Variants in FAT1 observed in about 807,000 individuals in gnomAD.
FAT1 encodes protocadherin Fat 1.
A neutral mutation model predicts 329.8 loss-of-function variants in FAT1; 171 were observed. The ratio of observed to expected loss-of-function variants is 0.52; its 90% confidence interval spans 0.46 to 0.59. The LOEUF (loss-of-function observed/expected upper bound fraction) is 0.59. Ranked by LOEUF, FAT1 falls within the 20% of genes least tolerant of loss-of-function variation. The pLI, the probability that FAT1 is intolerant of heterozygous loss-of-function variation, is 0.00. For missense variants in FAT1, 5,672 were observed against 5,774.4 expected (o/e 0.98, Z 0.57); for synonymous variants, 2,233 against 2,228.6 (o/e 1.00, Z -0.06).
rs941929420 is a variant in FAT1, at chr4:186,693,601, A to G, written c.3265+12962T>C. On this transcript the variant is annotated intron_variant, in intron 2 of 26. Coordinates refer to ENST00000441802, the MANE Select transcript of FAT1 (RefSeq NM_005245.4). ...CCCTCGAGCTCAACAGCAACTGATC[A>G]AACATGAGTCAGCCCGTGGAAAACA... 2.7e-5 allele frequency among the ~76,000 whole-genome samples: 4 copies of G among 146,024 alleles called. No homozygotes were observed. The South Asian group carries it at 9.5e-4, about 35-fold the overall frequency.
At chr4:186,692,416 C>A (rs1007771110) in intron 2 of FAT1, among the ~76,000 whole-genome samples, 4 of 152,076 alleles carry the variant, frequency 2.6e-5, no homozygotes, top group African/African-American at 4.8e-5. Flanking sequence ...GGGTTCACGC[C>A]ATTCTCCTGC....
Position 186,618,053 on chromosome 4 carries a change from T to C in FAT1, c.8533A>G (p.Met2845Val). The change falls in exon 10 of 27, where the codon ATG becomes GTG. Residue 2845 changes from methionine to valine, a missense_variant. By Grantham distance (21) the Met-to-Val change is conservative (BLOSUM62 1). Around this residue, in one of 2 missense-constraint regions of FAT1, gnomAD observed 3,966 missense variants for 3,915.2 expected, o/e 1.01. Coordinates refer to ENST00000441802, the MANE Select transcript of FAT1 (RefSeq NM_005245.4). Reference sequence around the variant, plus strand: ...CTTTGTGACTGATCCAGGCTATACATAACTTGGCCGTTGGTTCCTGAGTCA... The same window carrying C: ...CTTTGTGACTGATCCAGGCTATACACAACTTGGCCGTTGGTTCCTGAGTCA... The part of the protein sequence containing the change: ...DADSGTNGQV[M>V]YSLDQSQSVE... The C allele has an allele frequency of 1.2e-6, 2 of 1,614,060 alleles. No homozygotes were observed. Among genetic ancestry groups the C allele is most frequent in the Non-Finnish European group, 1.7e-6 (2 of 1,179,902 alleles).
intron 1 of FAT1, among the ~76,000 whole-genome samples, chr4:186,714,487 G>C (rs1745116585): frequency 6.6e-6 from 1 of 152,114 alleles, no homozygotes; most frequent in Non-Finnish European, 1.5e-5. Context: ...CAGATATGTG[G>C]GAGACTCCAG....
At position 186,618,031 on chromosome 4, in the gene FAT1, T is replaced by A. The variant is rs1205740314; in HGVS notation, c.8555A>T (p.Gln2852Leu). The A allele has an allele frequency of 1.2e-6, 2 of 1,614,066 alleles. No individual in the cohort carries two copies. The highest frequency in any genetic ancestry group is 1.7e-6 in the Non-Finnish European group (2 of 1,179,902). ...GQVMYSLDQS[Q>L]SVEVIESFAI... ...AAAGGATTCAATGACTTCCACACTTTGTGACTGATCCAGGCTATACATAAC... is the reference window on the plus strand; with the variant it reads ...AAAGGATTCAATGACTTCCACACTTAGTGACTGATCCAGGCTATACATAAC... The change falls in exon 10 of 27, where the codon CAA (glutamine) becomes CTA (leucine). Residue 2852 changes from glutamine (Q) to leucine (L), a missense_variant. Physicochemically the swap from Gln to Leu is moderately radical, Grantham distance 113 (BLOSUM62 -2). Coordinates refer to ENST00000441802, the MANE Select transcript of FAT1 (RefSeq NM_005245.4).
At chr4:186,692,402 T>A (rs547074447) in intron 2 of FAT1, among the ~76,000 whole-genome samples, 178 of 152,238 alleles carry the variant, frequency 1.2e-3, no homozygotes, top group African/African-American at 4.1e-3. Flanking sequence ...AAGCTCCGCC[T>A]CCCGGGTTCA....
At chr4:186,659,024 C>G (rs896448659) in intron 3 of FAT1, among the ~76,000 whole-genome samples, 2 of 152,244 alleles carry the variant, frequency 1.3e-5, no homozygotes, top group African/African-American at 4.8e-5. Context: ...GCTGCATATA[C>G]GATCGAACCG....
At chr4:186,724,746 C>T (rs949825598), upstream of FAT1, among the ~76,000 whole-genome samples, 5 of 152,196 alleles carry the variant, frequency 3.3e-5, no homozygotes, top group African/African-American at 1.2e-4. This position sits in a 1 kb window ranked among gnomAD's most constrained non-coding sequence, Gnocchi z 5.3. Context: ...CGGACTCGGC[C>T]GAAGCCCGGA....
chr4:186,609,546 A>G (rs1739301169), intron 15 of FAT1, among the ~76,000 whole-genome samples: 1 of 152,070 alleles, frequency 6.6e-6, no homozygotes, highest in Admixed American at 6.5e-5. Flanking sequence ...CCTCCCGAGT[A>G]GCTGGGACTA....
intron 2 of FAT1, among the ~76,000 whole-genome samples, chr4:186,665,809 G>A (rs1036394050): frequency 3.9e-5 from 6 of 151,940 alleles, no homozygotes; most frequent in South Asian, 4.2e-4. Context: ...GTGATAGACC[G>A]GATTAAGAAA....
chr4:186,639,698 A>G, intron 4 of FAT1, 24 bp downstream of exon 4: 1 of 1,508,944 alleles, frequency 6.6e-7, no homozygotes, highest in South Asian at 1.2e-5. Flanking sequence ...ATCTTTAAGT[A>G]TTAAAGATAA....
At chr4:186,701,958 A>AC (rs1377811780) in intron 2 of FAT1, among the ~76,000 whole-genome samples, 1 of 150,480 alleles carries the variant, frequency 6.6e-6, no homozygotes, top group African/African-American at 2.5e-5. Flanking sequence ...CCAGGAGCCG[A>AC]CCCCACACAG....
In FAT1 at chr4:186,598,135, C is replaced by A. The variant is rs1560920046; in HGVS notation, c.12104-10G>T. On this transcript the variant is annotated splice_polypyrimidine_tract_variant and intron_variant, in intron 22 of 26. Transcript: ENST00000441802. ...CATTTGCAGTAATAACCTAAATCGG[C>A]AAAAAGGAACAAAAAAGTCCTATCA... 4 of 1,581,604 alleles carry A rather than the reference C, an allele frequency of 2.5e-6. No individual in the cohort carries two copies. Among genetic ancestry groups the A allele is most frequent in the Admixed American group, 3.9e-5 (2 of 51,400 alleles).
chr4:186,686,242 C>CG (rs1553998098), intron 2 of FAT1, among the ~76,000 whole-genome samples: 9 of 146,940 alleles, frequency 6.1e-5, no homozygotes, highest in Non-Finnish European at 9.0e-5. Context: ...ATTTTCACCC[C>CG]CCCCCGACAT....
chr4:186,692,364 G>T (rs976343704), intron 2 of FAT1, among the ~76,000 whole-genome samples: 5 of 151,824 alleles, frequency 3.3e-5, no homozygotes, highest in East Asian at 3.9e-4. Context: ...CCAGGCTGGA[G>T]TGCAGTGGCG....
At position 186,718,982 on chromosome 4, in the gene FAT1, C is replaced by T. The variant is rs368438388; in HGVS notation, c.-19+4682G>A. On this transcript the variant is annotated intron_variant, in intron 1 of 26. Transcript: ENST00000441802. Reference sequence around the variant, plus strand: ...CACTCCCCTCCCCAACACTCCTGATCCTTCATTCGGTCACAGAGTCCCCCA... The same window carrying T: ...CACTCCCCTCCCCAACACTCCTGATTCTTCATTCGGTCACAGAGTCCCCCA... Among the ~76,000 whole-genome samples, 50 of 152,338 alleles carry T rather than the reference C, an allele frequency of 3.3e-4. 2 individuals are homozygous for T. The highest frequency in any genetic ancestry group is 1.2e-3 in the African/African-American group (48 of 41,580).
At chr4:186,604,316 C>G (rs2126437442) in intron 18 of FAT1, 61 bp downstream of exon 18, 2 of 1,384,554 alleles carry the variant, frequency 1.4e-6, no homozygotes, top group Non-Finnish European at 2.0e-6. Flanking sequence ...AAGAGGGGAA[C>G]CACGCCAAGC....
At chr4:186,604,899 G>A (rs1174117207) in intron 17 of FAT1, among the ~76,000 whole-genome samples, 1 of 151,706 alleles carries the variant, frequency 6.6e-6, no homozygotes, top group Non-Finnish European at 1.5e-5. Context: ...GAGGAGTGTA[G>A]GAGAAGAAGA....
Position 186,618,586 on chromosome 4 carries a change from T to C in FAT1, c.8000A>G (p.Glu2667Gly), listed in dbSNP as rs767566080. 3 of 1,614,044 alleles carry C rather than the reference T, an allele frequency of 1.9e-6. No homozygotes were observed. The South Asian group carries it at 3.3e-5, about 18-fold the overall frequency. The change falls in exon 10 of 27, where the codon GAA becomes GGA. Residue 2667 changes from glutamate (E) to glycine (G), a missense_variant. Physicochemically the swap from Glu to Gly is moderately conservative, Grantham distance 98. Transcript: ENST00000441802. ...AGCTCTAACAAAGAAAGTGAAGAATTCATTTTCCAAGCCAATGAGGCTCTC... is the reference window on the plus strand; with the variant it reads ...AGCTCTAACAAAGAAAGTGAAGAATCCATTTTCCAAGCCAATGAGGCTCTC... ...TKESLIGLEN[E>G]FFTFFVRAVD...
intron 9 of FAT1, among the ~76,000 whole-genome samples, chr4:186,625,444 T>C (rs1004701234): frequency 1.3e-5 from 2 of 152,220 alleles, no homozygotes; most frequent in Non-Finnish European, 2.9e-5. Flanking sequence ...TAAATAAACA[T>C]AGTTTAACCA....
Sources: gnomAD v4.1 joint callset for allele counts (sites outside exome capture counted in the v4.1 genomes callset) on GRCh38, gnomAD v4.1.1 for gene constraint, gnomAD v4.1.1 regional missense constraint, Gnocchi (gnomAD v3.1) non-coding constraint, MANE v1.5 for transcripts, NCBI Gene and HGNC (gene_info 2026-07-23, HGNC 2026-07-21) for gene names.